FANCD2OS: variants seen among roughly 807,000 people sequenced by gnomAD.
FANCD2OS encodes FANCD2 opposite strand protein.
In FANCD2OS, 11 loss-of-function variants were observed where a neutral mutation model predicts 13.2. The ratio of observed to expected loss-of-function variants is 0.83; its 90% CI spans 0.52 to 1.38. The LOEUF is 1.38. Ranked by LOEUF, FANCD2OS falls within the 40% of genes most tolerant of loss-of-function variation. FANCD2OS has a pLI of 0.00. For missense variants in FANCD2OS, 217 were observed against 213.9 expected (o/e 1.01, Z -0.09); for synonymous variants, 69 against 84.5 (o/e 0.82, Z 1.01).
At position 10,082,003 on chromosome 3, in the gene FANCD2OS, C is replaced by T. The variant is rs772367491; in HGVS notation, c.*44-472G>A. Among the ~76,000 whole-genome samples the T allele has an allele frequency of 3.9e-5, 6 of 152,306 alleles. No individual in the cohort carries two copies. The South Asian group carries it at 1.2e-3, about 32-fold the overall frequency. Reference sequence around the variant, plus strand: ...TATACAAGATTTCTGGTCAATCCTACCCAAGCTTAAATTTAGCCAAAATTT... The same window carrying T: ...TATACAAGATTTCTGGTCAATCCTATCCAAGCTTAAATTTAGCCAAAATTT... On this transcript the variant is annotated intron_variant, in intron 2 of 2. Coordinates refer to the FANCD2OS transcript ENST00000524279.
chr3:10,105,381 G>A (rs200189457), intron 1 of FANCD2OS, among the ~76,000 whole-genome samples: 37 of 152,196 alleles, frequency 2.4e-4, no homozygotes, highest in African/African-American at 8.4e-4. Context: ...ATCTTCTGAG[G>A]TGACAGAAGC....
In FANCD2OS at chr3:10,104,106, A is replaced by G; in HGVS notation, c.*135T>C. On this transcript the variant is annotated 3_prime_UTR_variant, in exon 2 of 2. Transcript: ENST00000450660. ...GGGGAAGGGATGAAAGGGGCTCCTG[A>G]ATCATCACTGCTTGAAACAAAAGCA... The G allele has an allele frequency of 1.3e-6, 1 of 782,002 alleles. No homozygotes were observed. Among genetic ancestry groups the G allele is most frequent in the Non-Finnish European group, 2.0e-6 (1 of 504,880 alleles). The allele number at this position is 782,002 out of a possible 1,614,324, so 48.4% of individuals were successfully genotyped here. A position where few individuals can be genotyped will look rare whatever the true frequency, so the allele number is the denominator to read the frequency against.
At chr3:10,092,247 A>C in intron 2 of FANCD2OS, 1 of 1,611,534 alleles carries the variant, frequency 6.2e-7, no homozygotes, top group Non-Finnish European at 8.5e-7. Flanking sequence ...CATCAACTTG[A>C]TAAAGGTGAG....
chr3:10,095,080 T>C, intron 2 of FANCD2OS: 1 of 805,386 alleles, frequency 1.2e-6, no homozygotes, highest in East Asian at 2.7e-5. Context: ...AAGATGATTA[T>C]CAGCATAGGC....
chr3:10,105,599 A>C (rs1323457623), intron 1 of FANCD2OS, among the ~76,000 whole-genome samples: 5 of 150,690 alleles, frequency 3.3e-5, no homozygotes, highest in Non-Finnish European at 5.9e-5. Flanking sequence ...AAAATACAAA[A>C]ATTAGCCGGG....
intron 2 of FANCD2OS, among the ~76,000 whole-genome samples, chr3:10,093,514 T>A (rs544149847): frequency 6.6e-6 from 1 of 152,204 alleles, no homozygotes; most frequent in South Asian, 2.1e-4. Flanking sequence ...AGTTTTCCTA[T>A]GAATTTGAAA....
chr3:10,083,481 C>G (rs1008370032), intron 2 of FANCD2OS: 1 of 152,148 alleles, frequency 6.6e-6, no homozygotes, highest in African/African-American at 2.4e-5. Context: ...GGGGACTTTA[C>G]AATGGTACAT....
At chr3:10,101,090 T>C, downstream of FANCD2OS, 1 of 919,022 alleles carries the variant, frequency 1.1e-6, no homozygotes, top group Non-Finnish European at 1.7e-6. Flanking sequence ...GTTTTAACAG[T>C]GATAATAGTA....
downstream of FANCD2OS, among the ~76,000 whole-genome samples, chr3:10,100,876 C>G (rs1187315830): frequency 6.6e-6 from 1 of 151,932 alleles, no homozygotes; most frequent in East Asian, 1.9e-4. Flanking sequence ...TTGAGACCAG[C>G]CTTGCCAATG....
At chr3:10,085,686 G>A (rs919118972) in intron 2 of FANCD2OS, 6 of 749,340 alleles carry the variant, frequency 8.0e-6, no homozygotes, top group African/African-American at 6.9e-5. Context: ...CACCACGCCC[G>A]ACCTCTCAAT....
intron 2 of FANCD2OS, among the ~76,000 whole-genome samples, chr3:10,083,063 TAAAA>T (rs1693944293): frequency 6.6e-6 from 1 of 151,850 alleles, no homozygotes; most frequent in East Asian, 1.9e-4. Flanking sequence ...CCTGTCTCCA[TAAAA>T]AATACAAAAA....
At chr3:10,082,241 T>C (rs1391729057) in intron 2 of FANCD2OS, among the ~76,000 whole-genome samples, 1 of 152,182 alleles carries the variant, frequency 6.6e-6, no homozygotes, top group Non-Finnish European at 1.5e-5. Context: ...ACCGTCTTTT[T>C]CCCACATCTG....
chr3:10,088,851 G>A, intron 2 of FANCD2OS: 1 of 1,614,166 alleles, frequency 6.2e-7, no homozygotes. Context: ...CACACAGAGA[G>A]CATTCTGAAG....
At chr3:10,102,733 C>G (rs1017276924), downstream of FANCD2OS, among the ~76,000 whole-genome samples, 34 of 151,002 alleles carry the variant, frequency 2.3e-4, no homozygotes, top group African/African-American at 8.3e-4. Context: ...GTCCCAGCTA[C>G]TCGGGAGGCT....
At chr3:10,093,890 G>A (rs1489557804) in intron 2 of FANCD2OS, among the ~76,000 whole-genome samples, 6 of 152,172 alleles carry the variant, frequency 3.9e-5, no homozygotes, top group African/African-American at 1.4e-4. Flanking sequence ...GTGGGAGATG[G>A]GCAAGTTGGA....
intron 2 of FANCD2OS, chr3:10,092,180 G>C: frequency 6.2e-7 from 1 of 1,613,156 alleles, no homozygotes; most frequent in Non-Finnish European, 8.5e-7. Context: ...GGCTGCCCCA[G>C]ATTCATGAAG....
Position 10,092,232 on chromosome 3 carries a change from A to G in FANCD2OS, c.*44-10701T>C, listed in dbSNP as rs1462272103. On this transcript the variant is annotated intron_variant, in intron 2 of 2. Transcript: ENST00000524279. Reference sequence around the variant, plus strand: ...GAACATGGCTGTTCGAGACTTCAGTATCCTCATCAACTTGATAAAGGTGAG... The same window carrying G: ...GAACATGGCTGTTCGAGACTTCAGTGTCCTCATCAACTTGATAAAGGTGAG... 2 of 1,613,546 alleles carry G rather than the reference A, an allele frequency of 1.2e-6. No homozygotes were observed. The highest frequency in any genetic ancestry group is 1.7e-5 in the Admixed American group (1 of 60,012).
At chr3:10,102,133 ATCT>A (rs1331025325), downstream of FANCD2OS, among the ~76,000 whole-genome samples, 1 of 147,672 alleles carries the variant, frequency 6.8e-6, no homozygotes, top group Non-Finnish European at 1.5e-5. Context: ...CTTGATCTTG[ATCT>A]TCTTTCCTTT....
At chr3:10,096,735 A>G (rs1310690410) in intron 2 of FANCD2OS, among the ~76,000 whole-genome samples, 1 of 152,226 alleles carries the variant, frequency 6.6e-6, no homozygotes, top group Non-Finnish European at 1.5e-5. Context: ...TCAGACCAGT[A>G]CAAACCTCTC....
Sources: gnomAD v4.1 joint callset for allele counts (sites outside exome capture counted in the v4.1 genomes callset) on GRCh38, gnomAD v4.1.1 for gene constraint, MANE v1.5 for transcripts, NCBI Gene and HGNC (gene_info 2026-07-23, HGNC 2026-07-21) for gene names.